Variants in NOS1 observed in about 807,000 individuals in gnomAD.
The protein encoded by NOS1 is nitric oxide synthase 1.
In NOS1, 51 loss-of-function variants were observed where a neutral mutation model predicts 164.5. The ratio of observed to expected loss-of-function variants is 0.31; its 90% CI spans 0.25 to 0.39. The LOEUF is 0.39. Among genes scored for constraint, NOS1 ranks in the 10% least tolerant of loss-of-function variants. The pLI, the probability that NOS1 is intolerant of heterozygous loss-of-function variation, is 1.00. For missense variants in NOS1, 1,362 were observed against 1,885.6 expected, an observed-to-expected ratio of 0.72 and a Z score of 5.14; for synonymous variants, 719 against 745.8, an observed-to-expected ratio of 0.96 and a Z score of 0.59.
chr12:117,258,973 A>C, intron 15 of NOS1, 53 bp downstream of exon 15: 2 of 1,339,478 alleles, frequency 1.5e-6, no homozygotes, highest in Admixed American at 1.7e-5. Flanking sequence ...CTTGGCCCCT[A>C]CTTCTTCCTG....
chr12:117,279,262 A>T (rs1003685535), intron 8 of NOS1, among the ~76,000 whole-genome samples: 5 of 152,108 alleles, frequency 3.3e-5, no homozygotes, highest in Non-Finnish European at 5.9e-5. Flanking sequence ...CTGTAGTCCC[A>T]GCTACTCAGG....
intron 1 of NOS1, among the ~76,000 whole-genome samples, chr12:117,353,164 T>C (rs564181124): frequency 1.3e-5 from 2 of 152,254 alleles, no homozygotes; most frequent in Admixed American, 6.5e-5. Flanking sequence ...ATCATCTGTC[T>C]ATCCATCTAT....
Position 117,220,101 on chromosome 12 carries a change from C to A in NOS1, c.4144G>T (p.Ala1382Ser). ...CTCATCCGGCTGATGAATACGCCGG[C>A]GTCCTCTGCCGAGAGCTTCCCCTGC... Reference protein sequence around the residue: ...TQQGKLSAEDAGVFISRMRDD... With the variant: ...TQQGKLSAEDSGVFISRMRDD... Residue 1382 changes from alanine (A) to serine (S), a missense_variant, in exon 27 of 29, where the codon GCC becomes TCC. Ala to Ser is a moderately conservative substitution (Grantham distance 99, BLOSUM62 1). Transcript: ENST00000317775. The A allele has an allele frequency of 6.2e-7, 1 of 1,611,698 alleles. No individual in the cohort carries two copies. The highest frequency in any genetic ancestry group is 8.5e-7 in the Non-Finnish European group (1 of 1,178,936).
intron 1 of NOS1, among the ~76,000 whole-genome samples, chr12:117,361,135 G>A (rs1290596012): frequency 1.3e-5 from 2 of 152,050 alleles, no homozygotes; most frequent in Non-Finnish European, 2.9e-5. Flanking sequence ...ACCTGACGCC[G>A]AGCCGGGCAG....
In NOS1 at chr12:117,353,067, CCTAT is replaced by C. The variant is rs956731058; in HGVS notation, c.-421+8441_-421+8444del. Among the ~76,000 whole-genome samples, 20 of 152,128 alleles carry C rather than the reference CCTAT, an allele frequency of 1.3e-4. No homozygotes were observed. The East Asian group carries it at 2.5e-3, about 19-fold the overall frequency. On this transcript the variant is annotated intron_variant, in intron 1 of 28. Coordinates refer to ENST00000317775, the MANE Select transcript of NOS1 (RefSeq NM_000620.5). ...ATCCATCCATCCACCCACCTACCTACCTATCTACCTACTTACCTATCTACCTACC... is the reference window on the plus strand; with the variant it reads ...ATCCATCCATCCACCCACCTACCTACCTACCTACTTACCTATCTACCTACC...
chr12:117,312,016 T>C (rs542305521), intron 2 of NOS1, among the ~76,000 whole-genome samples: 1 of 151,780 alleles, frequency 6.6e-6, no homozygotes, highest in South Asian at 2.1e-4. Context: ...AAGTAGGAGG[T>C]AGGAAGGATA....
At chr12:117,273,493 G>A (rs990087479) in intron 9 of NOS1, among the ~76,000 whole-genome samples, 1 of 152,086 alleles carries the variant, frequency 6.6e-6, no homozygotes, top group Non-Finnish European at 1.5e-5. Flanking sequence ...CTATTAGGTT[G>A]ATGCAAAAGT....
chr12:117,273,144 C>T (rs1872916220), intron 9 of NOS1, among the ~76,000 whole-genome samples: 1 of 152,152 alleles, frequency 6.6e-6, no homozygotes, highest in African/African-American at 2.4e-5. Context: ...TCATCCTAGG[C>T]ACCATACATT....
At chr12:117,224,811 C>T (rs774253593) in intron 25 of NOS1, among the ~76,000 whole-genome samples, 8 of 152,186 alleles carry the variant, frequency 5.3e-5, no homozygotes, top group Non-Finnish European at 7.3e-5. Flanking sequence ...TCCTCTGGGC[C>T]TGGAATTTCA....
chr12:117,330,208 G>A lies in NOS1; in HGVS notation c.725+137C>T. On this transcript the variant is annotated intron_variant, in intron 2 of 28. Coordinates refer to ENST00000317775, the MANE Select transcript of NOS1 (RefSeq NM_000620.5). This position sits in a 1 kb window ranked among gnomAD's most constrained non-coding sequence, Gnocchi z 4.6. ...TGAAGATCAAGGGGGCCGTCAAGTG[G>A]TTATGCAAAAACAGGTATCTGAGAC... is the stretch of plus-strand genomic sequence containing the variant. 8.2e-6 allele frequency: 11 copies of A among 1,346,010 alleles called. No individual in the cohort carries two copies. The highest frequency in any genetic ancestry group is 1.9e-5 in the South Asian group (1 of 51,656). The allele number at this position is 1,346,010 out of a possible 1,614,324, so 83.4% of individuals were successfully genotyped here. A position where few individuals can be genotyped will look rare whatever the true frequency, so the allele number is the denominator to read the frequency against.
rs34249731 is a variant in NOS1 at position 117,305,463 on chromosome 12, C to CAAA, written c.852+6000_852+6002dup. ...TGGGCGACTGAGTGAGACTCCATCT[C>CAAA]AAAAAAAAAAAAAAAGAAGCTGATT... On this transcript the variant is annotated intron_variant, in intron 3 of 28. Transcript: ENST00000317775. Among the ~76,000 whole-genome samples the CAAA allele has an allele frequency of 6.6e-5, 8 of 120,422 alleles. 1 individual carries two copies. The highest frequency in any genetic ancestry group is 1.0e-4 in the Non-Finnish European group (6 of 58,222). The allele number at this position is 120,422 out of a possible 152,430, so 79.0% of individuals were successfully genotyped here.
At chr12:117,359,388 A>G (rs891074321) in intron 1 of NOS1, among the ~76,000 whole-genome samples, 6 of 152,178 alleles carry the variant, frequency 3.9e-5, no homozygotes, top group Admixed American at 3.3e-4. Context: ...GAAAAAATCT[A>G]TGCTCCAGAG....
intron 26 of NOS1, 67 bp downstream of exon 26, chr12:117,222,648 T>G: frequency 6.1e-6 from 9 of 1,478,000 alleles, no homozygotes; most frequent in African/African-American, 1.4e-5. Context: ...GAGGGGTTTC[T>G]GAGAGTAGGA....
chr12:117,293,249 C>A (rs375557570), intron 3 of NOS1, among the ~76,000 whole-genome samples: 1 of 152,106 alleles, frequency 6.6e-6, no homozygotes, highest in Non-Finnish European at 1.5e-5. Flanking sequence ...AGGGAACACA[C>A]GGAAGGTGCT....
rs145666168 is a variant in NOS1 at position 117,345,162 on chromosome 12, G to T, written c.-420-13673C>A. Reference sequence around the variant, plus strand: ...TTCTCCTGCCTCAGCCTCCTGAGTAGCTGGGACTATAGACGCCTGCCAGCT... The same window carrying T: ...TTCTCCTGCCTCAGCCTCCTGAGTATCTGGGACTATAGACGCCTGCCAGCT... On this transcript the variant is annotated intron_variant, in intron 1 of 28. Transcript: ENST00000317775. 9.0e-3 allele frequency among the ~76,000 whole-genome samples: 1,366 copies of T among 151,866 alleles called. 19 individuals are homozygous for T. The highest frequency in any genetic ancestry group is 0.031 in the African/African-American group (1,290 of 41,404).
At chr12:117,227,045 CGGGCACT>C (rs1479209207) in intron 23 of NOS1, among the ~76,000 whole-genome samples, 2 of 152,070 alleles carry the variant, frequency 1.3e-5, no homozygotes, top group Non-Finnish European at 2.9e-5. Context: ...GCTCCTGGGA[CGGGCACT>C]GTGCATTTTA....
At chr12:117,264,545 CCCTTCCCTTCTTCCTT>C (rs1324425332) in intron 12 of NOS1, among the ~76,000 whole-genome samples, 1 of 141,430 alleles carries the variant, frequency 7.1e-6, no homozygotes, top group Admixed American at 7.0e-5. Flanking sequence ...CTTCCTCCCT[CCCTTCCCTTCTTCCTT>C]CCTTTCTTCC....
intron 2 of NOS1, among the ~76,000 whole-genome samples, chr12:117,314,803 C>T (rs1026828988): frequency 7.2e-5 from 11 of 152,152 alleles, no homozygotes; most frequent in African/African-American, 2.7e-4. Flanking sequence ...GATGGGGTTT[C>T]ACCATGTTGG....
intron 1 of NOS1, among the ~76,000 whole-genome samples, chr12:117,340,871 C>CTTTTTTTTTTTTTTTT (rs775978271): frequency 2.1e-5 from 2 of 96,430 alleles, no homozygotes; most frequent in Admixed American, 2.2e-4. Flanking sequence ...TCACACCTGG[C>CTTTTTTTTTTTTTTTT]TATTTTTTTT....
Sources: gnomAD v4.1 joint callset for allele counts (sites outside exome capture counted in the v4.1 genomes callset) on GRCh38, gnomAD v4.1.1 for gene constraint, Gnocchi (gnomAD v3.1) non-coding constraint, MANE v1.5 for transcripts, NCBI Gene and HGNC (gene_info 2026-07-23, HGNC 2026-07-21) for gene names.